The following DOCK5 variants were observed in gnomAD, a reference collection of about 807,000 sequenced individuals.
DOCK5 encodes the protein dedicator of cytokinesis 5, also known as dedicator of cytokinesis protein 5.
A neutral mutation model predicts 251.8 loss-of-function variants in DOCK5; 142 were observed. The ratio of observed to expected loss-of-function variants is 0.56; its 90% CI spans 0.49 to 0.65. The LOEUF is 0.65. DOCK5 is among the 30% of genes least tolerant of loss of function. DOCK5 has a pLI of 0.00. For synonymous variants in DOCK5, 842 were observed against 835.5 expected, an observed-to-expected ratio of 1.01 and a Z score of -0.13; for missense variants, 2,111 against 2,312.3, an observed-to-expected ratio of 0.91 and a Z score of 1.79.
At chr8:25,229,790 T>C (rs1802623685) in intron 1 of DOCK5, among the ~76,000 whole-genome samples, 1 of 152,188 alleles carries the variant, frequency 6.6e-6, no homozygotes, top group African/African-American at 2.4e-5. Context: ...CATTCCTTCA[T>C]TGCATAAAAG....
rs75132463 is a variant in DOCK5, at chr8:25,374,279, G to A, written c.3726-285G>A. Among the ~76,000 whole-genome samples the A allele has an allele frequency of 1.1e-3, 165 of 152,214 alleles. 1 individual carries two copies. In the East Asian group the frequency reaches 0.027, roughly 25 times the overall value. ...GGAAGCAGGCTGGGGTCTGGTTATG[G>A]AATGAGCTGAACACTAAATCAACTC... On this transcript the variant is annotated intron_variant, in intron 36 of 51. Transcript: ENST00000276440.
rs889466077 is a variant in DOCK5 at position 25,302,237 on chromosome 8, A to G, written c.847-88A>G. The G allele has an allele frequency of 2.9e-5, 42 of 1,469,132 alleles. No homozygotes were observed. In the Admixed American group the frequency reaches 1.1e-3, roughly 38 times the overall value. 91.0% of individuals were successfully genotyped at this position (1,469,132 alleles called of 1,614,324 possible). A position where few individuals can be genotyped will look rare whatever the true frequency, so the allele number is the denominator to read the frequency against. On this transcript the variant is annotated intron_variant, in intron 9 of 51. Coordinates refer to ENST00000276440, the MANE Select transcript of DOCK5 (RefSeq NM_024940.8). ...CATTGAGAAATAAGGTCGGAACAGG[A>G]TTTTGTTGTAGAGGGTAAAGAAAAA...
chr8:25,324,034 C>T (rs1271967451), intron 17 of DOCK5, 83 bp downstream of exon 17: 42 of 1,387,216 alleles, frequency 3.0e-5, no homozygotes, highest in East Asian at 5.0e-5. Flanking sequence ...TTTGTACAAA[C>T]ATCAGAAACC....
chr8:25,411,382 G>A lies in DOCK5; in HGVS notation c.*84G>A. The A allele has an allele frequency of 7.4e-7, 1 of 1,345,804 alleles. No individual in the cohort carries two copies. The highest frequency in any genetic ancestry group is 9.6e-7 in the Non-Finnish European group (1 of 1,043,410). The allele number at this position is 1,345,804 out of a possible 1,614,324, so 83.4% of individuals were successfully genotyped here. A position where few individuals can be genotyped will look rare whatever the true frequency, so the allele number is the denominator to read the frequency against. Reference sequence around the variant, plus strand: ...CTCCAGCCGGTGTCCTCATTCCATGGGGCTCCCTGCTGACTGCATTTCCTG... The same window carrying A: ...CTCCAGCCGGTGTCCTCATTCCATGAGGCTCCCTGCTGACTGCATTTCCTG... On this transcript the variant is annotated 3_prime_UTR_variant, in exon 52 of 52. Transcript: ENST00000276440.
intron 37 of DOCK5, chr8:25,376,458 A>C: frequency 1.3e-6 from 1 of 745,562 alleles, no homozygotes; most frequent in South Asian, 6.1e-5. Flanking sequence ...CTGTTCATGT[A>C]CCAGTACCAT....
At chr8:25,203,555 GACA>G (rs1488975395) in intron 1 of DOCK5, among the ~76,000 whole-genome samples, 1 of 152,114 alleles carries the variant, frequency 6.6e-6, no homozygotes, top group African/African-American at 2.4e-5. Context: ...TTCCGATTCT[GACA>G]ACATGACTTA....
rs914740522 is a variant in DOCK5 at position 25,408,848 on chromosome 8, A to T, written c.5312A>T (p.Asp1771Val). Residue 1771 changes from aspartate (D) to valine (V), a missense_variant, in exon 50 of 52, where the codon GAT becomes GTT. Transcript: ENST00000276440. ...AGGCCAAAGAGTCTCCAGTTGATGG[A>T]TAATCGGCTATCACCATTTCACGGT... ...AQRPKSLQLM[D>V]NRLSPFHGSS... is the part of the protein sequence containing the mutation. 2 of 1,613,902 alleles carry T rather than the reference A, an allele frequency of 1.2e-6. No individual in the cohort carries two copies. Among genetic ancestry groups the T allele is most frequent in the Non-Finnish European group, 8.5e-7 (1 of 1,179,900 alleles).
At chr8:25,380,210 A>T in intron 38 of DOCK5, 95 bp from the exon 39 acceptor site, 1 of 1,078,344 alleles carries the variant, frequency 9.3e-7, no homozygotes, top group Non-Finnish European at 1.4e-6. Flanking sequence ...CCCCCAGACC[A>T]CTTGCTCATT....
chr8:25,380,481 G>T, intron 39 of DOCK5, 87 bp downstream of exon 39: 1 of 1,124,914 alleles, frequency 8.9e-7, no homozygotes, highest in Non-Finnish European at 1.3e-6. Flanking sequence ...TGAAAGTCAG[G>T]ATGAATGGTG....
chr8:25,409,031 G>A, intron 50 of DOCK5, 91 bp downstream of exon 50: 5 of 1,554,202 alleles, frequency 3.2e-6, no homozygotes, highest in Non-Finnish European at 4.4e-6. Flanking sequence ...CAGCCAGAAT[G>A]TATGTAAGAC....
chr8:25,396,401 C>T (rs1801346328), intron 45 of DOCK5, among the ~76,000 whole-genome samples: 1 of 152,016 alleles, frequency 6.6e-6, no homozygotes, highest in Non-Finnish European at 1.5e-5. Flanking sequence ...CTTGGTGTGC[C>T]AGAGGTTGTA....
intron 1 of DOCK5, among the ~76,000 whole-genome samples, chr8:25,221,476 T>C (rs189897475): frequency 1.3e-5 from 2 of 152,222 alleles, no homozygotes; most frequent in East Asian, 3.9e-4. Context: ...GCCCGGCTGA[T>C]TTTTGTATTT....
chr8:25,259,049 G>C (rs932963524), intron 2 of DOCK5, among the ~76,000 whole-genome samples: 10 of 152,196 alleles, frequency 6.6e-5, no homozygotes, highest in African/African-American at 1.9e-4. Context: ...AGCCCGGGGG[G>C]GCGGAGGTTG....
chr8:25,234,042 C>T (rs532018773), intron 1 of DOCK5, among the ~76,000 whole-genome samples: 3 of 152,356 alleles, frequency 2.0e-5, no homozygotes, highest in African/African-American at 7.2e-5. Context: ...CAGGCCAGAG[C>T]TTGTCCTCAG....
chr8:25,382,627 C>T (rs527401050), intron 39 of DOCK5, 47 bp from the exon 40 acceptor site: 33 of 1,447,168 alleles, frequency 2.3e-5, no homozygotes, highest in Non-Finnish European at 3.1e-5. Context: ...TTTCCCCCAA[C>T]TGTGTACTTA....
intron 1 of DOCK5, among the ~76,000 whole-genome samples, chr8:25,194,783 C>G (rs56221673): frequency 0.14 from 22,016 of 152,136 alleles, 2,614 homozygotes; most frequent in African/African-American, 0.33. Context: ...AGGCAGAACA[C>G]TAAGAGTCAC....
chr8:25,193,017 C>CTT (rs1801625200), intron 1 of DOCK5, among the ~76,000 whole-genome samples: 1 of 152,124 alleles, frequency 6.6e-6, no homozygotes, highest in Non-Finnish European at 1.5e-5. Flanking sequence ...AGCCCCAGAC[C>CTT]TGCTTTTTCT....
At chr8:25,279,072 T>C (rs1216105690) in intron 5 of DOCK5, among the ~76,000 whole-genome samples, 1 of 152,186 alleles carries the variant, frequency 6.6e-6, no homozygotes, top group Non-Finnish European at 1.5e-5. Flanking sequence ...TGTATACCAG[T>C]GAACTGAAAT....
chr8:25,259,404 C>T (rs1803509564), intron 2 of DOCK5, among the ~76,000 whole-genome samples: 1 of 152,130 alleles, frequency 6.6e-6, no homozygotes, highest in African/African-American at 2.4e-5. Flanking sequence ...TGATATGGGA[C>T]AAACCTTTTC....
Sources: allele counts gnomAD v4.1 joint callset (sites outside exome capture counted in the v4.1 genomes callset), GRCh38; gene constraint gnomAD v4.1.1; transcripts MANE v1.5; gene names NCBI Gene and HGNC (gene_info 2026-07-23, HGNC 2026-07-21).